FMNL2: variants seen among roughly 807,000 people sequenced by gnomAD.
FMNL2 encodes formin like 2, also known as formin-like protein 2.
A neutral mutation model predicts 130.2 loss-of-function variants in FMNL2; 51 were observed. That is an observed-to-expected ratio of 0.39 (90% CI 0.31 to 0.49). FMNL2 has a LOEUF of 0.49. FMNL2 is among the 20% of genes least tolerant of loss of function. FMNL2 has a pLI of 0.85. For synonymous variants in FMNL2, 465 were observed against 467.1 expected, an observed-to-expected ratio of 1.00 and a Z score of 0.06; for missense variants, 977 against 1,316.2, an observed-to-expected ratio of 0.74 and a Z score of 3.99.
At chr2:152,454,221 G>A (rs1367735490) in intron 1 of FMNL2, among the ~76,000 whole-genome samples, 2 of 152,128 alleles carry the variant, frequency 1.3e-5, no homozygotes, top group Non-Finnish European at 2.9e-5. Flanking sequence ...CGGTTGAAGT[G>A]AGCCAATAGC....
At position 152,619,555 on chromosome 2, in the gene FMNL2, CCCTCCTCCACCTCCTCCT is replaced by C; in HGVS notation, c.1677_1694del (p.Pro568_Pro573del). 5 of 669,208 alleles carry C rather than the reference CCCTCCTCCACCTCCTCCT, an allele frequency of 7.5e-6. No homozygotes were observed. Among genetic ancestry groups the C allele is most frequent in the Non-Finnish European group, 1.1e-5 (5 of 467,524 alleles). The allele number at this position is 669,208 out of a possible 1,614,324, so 41.5% of individuals were successfully genotyped here. A position where few individuals can be genotyped will look rare whatever the true frequency, so the allele number is the denominator to read the frequency against. On this transcript the variant is annotated inframe_deletion, in exon 15 of 26. Transcript: ENST00000288670. ...CACCTATGCCACCGCCGCCGCCGCC[CCCTCCTCCACCTCCTCCT>C]CCCCCACCGCCCCCTCCGCCTCCTC...
chr2:152,503,529 C>T (rs1338363792), intron 1 of FMNL2, among the ~76,000 whole-genome samples: 2 of 151,664 alleles, frequency 1.3e-5, no homozygotes, highest in Non-Finnish European at 2.9e-5. Context: ...AGTGTATACA[C>T]GGATGTAGGA....
At chr2:152,379,422 A>G (rs1684342689) in intron 1 of FMNL2, among the ~76,000 whole-genome samples, 1 of 152,168 alleles carries the variant, frequency 6.6e-6, no homozygotes, top group Admixed American at 6.5e-5. Context: ...TTCAAATTGT[A>G]TTATTGCTTT....
Position 152,354,467 on chromosome 2 carries a change from G to A in FMNL2, c.117+18747G>A, listed in dbSNP as rs144369927. Among the ~76,000 whole-genome samples the A allele has an allele frequency of 4.0e-3, 602 of 152,190 alleles. 5 individuals are homozygous for A. The highest frequency in any genetic ancestry group is 0.014 in the Middle Eastern group (4 of 294). ...CTTGATCTAGGAGGCACAGAAAGAA[G>A]ACATTACAGATTACATTCCCCAGTA... On this transcript the variant is annotated intron_variant, in intron 1 of 25. Transcript: ENST00000288670.
chr2:152,599,405 CTTTT>C (rs35753197), intron 9 of FMNL2, among the ~76,000 whole-genome samples: 1,504 of 44,570 alleles, frequency 0.034, 19 homozygotes, highest in African/African-American at 0.11. Context: ...TGAAGGTCAT[CTTTT>C]TTTTTTTTTT....
chr2:152,410,551 T>C (rs116162489), intron 1 of FMNL2, among the ~76,000 whole-genome samples: 12 of 152,200 alleles, frequency 7.9e-5, no homozygotes, highest in Admixed American at 7.9e-4. Context: ...AACATGTAAC[T>C]GATCCAATTT....
chr2:152,458,851 A>G (rs1689090585), intron 1 of FMNL2, among the ~76,000 whole-genome samples: 1 of 152,192 alleles, frequency 6.6e-6, no homozygotes, highest in Non-Finnish European at 1.5e-5. Context: ...TTTCTGGGAA[A>G]CGATACCAGT....
rs1026822970 is a variant in FMNL2 at position 152,649,794 on chromosome 2, A to G, written c.*1889A>G. 6.5e-6 allele frequency: 1 copy of G among 152,676 alleles called. No homozygotes were observed. Among genetic ancestry groups the G allele is most frequent in the Non-Finnish European group, 1.5e-5 (1 of 68,052 alleles). 9.5% of individuals were successfully genotyped at this position (152,676 alleles called of 1,614,324 possible). On this transcript the variant is annotated 3_prime_UTR_variant, in exon 26 of 26. Transcript: ENST00000288670. The stretch of plus-strand genomic sequence containing the variant: ...GTTACTTTTCTGGTCTTTTCATGGC[A>G]TATGAGCAAATAATAAACTATTTAC...
intron 1 of FMNL2, among the ~76,000 whole-genome samples, chr2:152,346,629 G>A (rs6751151): frequency 0.91 from 138,427 of 152,126 alleles, 63,749 homozygotes; most frequent in East Asian, 1. Flanking sequence ...ACTGTACTAC[G>A]GCCTGGGTGA....
chr2:152,615,843 T>A (rs1353232488), intron 12 of FMNL2, among the ~76,000 whole-genome samples: 1 of 152,208 alleles, frequency 6.6e-6, no homozygotes, highest in Admixed American at 6.5e-5. Flanking sequence ...TTTCTCCACA[T>A]GTTTTTTAAA....
chr2:152,640,289 G>A (rs1313234826), intron 24 of FMNL2, among the ~76,000 whole-genome samples: 1 of 152,218 alleles, frequency 6.6e-6, no homozygotes, highest in Non-Finnish European at 1.5e-5. Flanking sequence ...TAGACATCTG[G>A]AACTTAGTTG....
intron 1 of FMNL2, among the ~76,000 whole-genome samples, chr2:152,416,907 C>T (rs1307455231): frequency 1.3e-5 from 2 of 152,188 alleles, no homozygotes; most frequent in Non-Finnish European, 2.9e-5. Flanking sequence ...AGTTACTAAC[C>T]TGTGTGGATG....
chr2:152,437,691 A>G (rs979709760), intron 1 of FMNL2, among the ~76,000 whole-genome samples: 1 of 152,198 alleles, frequency 6.6e-6, no homozygotes, highest in Non-Finnish European at 1.5e-5. Context: ...GGTGACTCTC[A>G]TGGCTAGGAT....
chr2:152,425,812 G>A (rs1001432095), intron 1 of FMNL2, among the ~76,000 whole-genome samples: 4 of 152,142 alleles, frequency 2.6e-5, no homozygotes, highest in Admixed American at 1.3e-4. Flanking sequence ...TTTCCCATGT[G>A]TTTCTAATCA....
At chr2:152,641,015 A>T in intron 25 of FMNL2, 101 bp downstream of exon 25, 1 of 1,492,232 alleles carries the variant, frequency 6.7e-7, no homozygotes, top group South Asian at 1.2e-5. Flanking sequence ...AGGGTTGTCA[A>T]GTTCATTAGT....
At chr2:152,343,251 G>T (rs10191051) in intron 1 of FMNL2, among the ~76,000 whole-genome samples, 33,876 of 152,112 alleles carry the variant, frequency 0.22, 5,243 homozygotes, top group East Asian at 0.84. Context: ...GTGCATAGAA[G>T]ATGCCCATGG....
chr2:152,428,126 C>A (rs932402143), intron 1 of FMNL2, among the ~76,000 whole-genome samples: 1 of 152,208 alleles, frequency 6.6e-6, no homozygotes, highest in Non-Finnish European at 1.5e-5. Flanking sequence ...CCTGTCTCAA[C>A]CCATTCTTGC....
chr2:152,578,764 A>T, intron 7 of FMNL2, 124 bp from the exon 8 acceptor site: 1 of 670,750 alleles, frequency 1.5e-6, no homozygotes, highest in South Asian at 1.9e-5. Context: ...ACATAAGTGC[A>T]TTTATAATGG....
chr2:152,358,023 A>G (rs753501938), intron 1 of FMNL2, among the ~76,000 whole-genome samples: 20 of 152,198 alleles, frequency 1.3e-4, no homozygotes, highest in East Asian at 3.9e-4. Flanking sequence ...GCACCATCCA[A>G]TCAGCTGCCA....
Sources: gnomAD v4.1 joint callset for allele counts (sites outside exome capture counted in the v4.1 genomes callset) on GRCh38, gnomAD v4.1.1 for gene constraint, MANE v1.5 for transcripts, NCBI Gene and HGNC (gene_info 2026-07-23, HGNC 2026-07-21) for gene names.